The following PRKAG2 variants were observed in gnomAD, a reference collection of about 807,000 sequenced individuals.
PRKAG2 encodes 5'-AMP-activated protein kinase subunit gamma-2.
In PRKAG2, 26 loss-of-function variants were observed where a neutral mutation model predicts 69.6. The ratio of observed to expected loss-of-function variants is 0.37; its 90% CI spans 0.27 to 0.52. The LOEUF (loss-of-function observed/expected upper bound fraction) is 0.52, where lower values mean the gene tolerates loss of function less well. PRKAG2 is among the 20% of genes least tolerant of loss of function. The probability of loss-of-function intolerance (pLI) is 0.90; values close to 1 mark genes in which losing one functional copy is unlikely to be tolerated. For missense variants in PRKAG2, 557 were observed against 740.0 expected (o/e 0.75, Z 2.87); for synonymous variants, 293 against 285.0 (o/e 1.03, Z -0.28).
chr7:151,695,740 A>C (rs1836509401), intron 3 of PRKAG2, among the ~76,000 whole-genome samples: 1 of 152,194 alleles, frequency 6.6e-6, no homozygotes, highest in Non-Finnish European at 1.5e-5. Context: ...CGTTGCTTCC[A>C]AGGTGTGCTT....
rs73481936 is a variant in PRKAG2, at chr7:151,659,484, T to G, written c.684+15936A>C. ...TTATAAAAAGGCATGGATCAGTATT[T>G]GTGTTGACCTTGAGGCTTTTCTTCT... On this transcript the variant is annotated intron_variant, in intron 4 of 15. Coordinates refer to ENST00000287878, the MANE Select transcript of PRKAG2 (RefSeq NM_016203.4). Among the ~76,000 whole-genome samples the G allele has an allele frequency of 2.8e-3, 432 of 152,362 alleles. 1 individual carries two copies. Among genetic ancestry groups the G allele is most frequent in the African/African-American group, 0.01 (416 of 41,578 alleles).
chr7:151,774,007 G>C (rs1045679170), intron 3 of PRKAG2, among the ~76,000 whole-genome samples: 2 of 152,184 alleles, frequency 1.3e-5, no homozygotes, highest in East Asian at 3.9e-4. Context: ...AAAAGAGGTG[G>C]CACGCCAGAT....
At chr7:151,645,819 C>T (rs924760829) in intron 4 of PRKAG2, among the ~76,000 whole-genome samples, 2 of 152,118 alleles carry the variant, frequency 1.3e-5, no homozygotes, top group African/African-American at 4.8e-5. Context: ...TTAAATGTTT[C>T]CTTCTAGAAG....
chr7:151,605,914 G>A (rs1817426294), intron 5 of PRKAG2, among the ~76,000 whole-genome samples: 1 of 145,774 alleles, frequency 6.9e-6, no homozygotes, highest in Non-Finnish European at 1.5e-5. Flanking sequence ...CTCCAGCCTG[G>A]CGACAGAGCG....
At position 151,572,076 on chromosome 7, in the gene PRKAG2, G is replaced by A. The variant is rs140172255; in HGVS notation, c.1051+588C>T. The stretch of plus-strand genomic sequence containing the variant: ...CCACCACCTTACAATCATGAAATGC[G>A]AATTTAAGAAATGGTTCTATGGCAG... On this transcript the variant is annotated intron_variant, in intron 9 of 15. Coordinates refer to ENST00000287878, the MANE Select transcript of PRKAG2 (RefSeq NM_016203.4). Among the ~76,000 whole-genome samples the A allele has an allele frequency of 4.5e-3, 692 of 152,264 alleles. 2 individuals carry two copies. The highest frequency in any genetic ancestry group is 0.016 in the African/African-American group (662 of 41,558).
At chr7:151,786,144 C>G (rs2076994596) in intron 2 of PRKAG2, among the ~76,000 whole-genome samples, 1 of 152,214 alleles carries the variant, frequency 6.6e-6, no homozygotes, top group Non-Finnish European at 1.5e-5. Context: ...TGACCGATAC[C>G]TTCCACCGGG....
At chr7:151,757,176 G>T (rs2075146589) in intron 3 of PRKAG2, among the ~76,000 whole-genome samples, 1 of 152,164 alleles carries the variant, frequency 6.6e-6, no homozygotes. Context: ...AGACTCAGAG[G>T]CTCTAAATTA....
intron 3 of PRKAG2, chr7:151,736,432 C>T (rs1799826850): frequency 7.3e-6 from 7 of 956,306 alleles, no homozygotes; most frequent in African/African-American, 1.9e-5. Flanking sequence ...GGAGGGAAGA[C>T]CAGATAGGCA....
intron 4 of PRKAG2, among the ~76,000 whole-genome samples, chr7:151,663,454 C>T (rs556795607): frequency 6.6e-6 from 1 of 152,322 alleles, no homozygotes; most frequent in Non-Finnish European, 1.5e-5. Flanking sequence ...CCTCGACCTC[C>T]CAGGCTCAGA....
chr7:151,842,463 G>T (rs548728961), intron 1 of PRKAG2, among the ~76,000 whole-genome samples: 1 of 149,106 alleles, frequency 6.7e-6, no homozygotes, highest in African/African-American at 2.5e-5. Context: ...TGGTAGTGAT[G>T]GTAGGTAGTG....
At chr7:151,773,042 AGAGAGAGAGAGGGAGGGAGG>A (rs1418973459) in intron 3 of PRKAG2, among the ~76,000 whole-genome samples, 23 of 32,948 alleles carry the variant, frequency 7.0e-4, no homozygotes, top group African/African-American at 2.6e-3. Context: ...AGAGAGAGAG[AGAGAGAGAGAGGGAGGGAGG>A]GAGGGAGGGA....
At chr7:151,574,103 A>G (rs945527493) in intron 8 of PRKAG2, among the ~76,000 whole-genome samples, 1 of 152,190 alleles carries the variant, frequency 6.6e-6, no homozygotes, top group African/African-American at 2.4e-5. Context: ...GAAGAAACTC[A>G]TTTTTGTATT....
At chr7:151,644,937 T>C (rs1827313054) in intron 4 of PRKAG2, among the ~76,000 whole-genome samples, 1 of 152,196 alleles carries the variant, frequency 6.6e-6, no homozygotes, top group Non-Finnish European at 1.5e-5. Context: ...GAGGACAATA[T>C]CTTTTTGTGT....
intron 1 of PRKAG2, among the ~76,000 whole-genome samples, chr7:151,795,172 G>A (rs1013764353): frequency 6.6e-6 from 1 of 152,220 alleles, no homozygotes; most frequent in Admixed American, 6.5e-5. Context: ...GAGGGAGAGT[G>A]GGGGGCAGGG....
At chr7:151,785,181 G>A (rs1412052155) in intron 2 of PRKAG2, among the ~76,000 whole-genome samples, 1 of 152,272 alleles carries the variant, frequency 6.6e-6, no homozygotes, top group African/African-American at 2.4e-5. Context: ...CTCTGCCTAT[G>A]GGGCCATTTG....
Position 151,786,416 on chromosome 7 carries a change from G to A in PRKAG2, c.186+54C>T, listed in dbSNP as rs369534223. The A allele has an allele frequency of 3.8e-5, 57 of 1,513,910 alleles. No homozygotes were observed. In the African/African-American group the frequency reaches 7.4e-4, roughly 20 times the overall value. The allele number at this position is 1,513,910 out of a possible 1,614,324, so 93.8% of individuals were successfully genotyped here. ...GTGGAAGTGGGCTCAGGCTCTGCCT[G>A]CCTCCGTGGCACCTCAAGTGAGCTG... On this transcript the variant is annotated intron_variant, in intron 2 of 15. Coordinates refer to ENST00000287878, the MANE Select transcript of PRKAG2 (RefSeq NM_016203.4).
chr7:151,808,599 G>GAC, intron 1 of PRKAG2, among the ~76,000 whole-genome samples: 1 of 151,486 alleles, frequency 6.6e-6, no homozygotes, highest in South Asian at 2.1e-4. Context: ...TGTTGGGGGG[G>GAC]CTTGAGGCTA....
intron 3 of PRKAG2, among the ~76,000 whole-genome samples, chr7:151,729,283 C>G (rs57181153): frequency 2.0e-5 from 3 of 152,088 alleles, no homozygotes; most frequent in Non-Finnish European, 4.4e-5. Flanking sequence ...GTGTCCGAAA[C>G]CCCCCAAAGA....
At chr7:151,809,490 C>T (rs955884752) in intron 1 of PRKAG2, 2 of 295,558 alleles carry the variant, frequency 6.8e-6, no homozygotes, top group Non-Finnish European at 1.3e-5. Context: ...CATTGGTCTT[C>T]CGGGGCTTAA....
Sources: allele counts gnomAD v4.1 joint callset (sites outside exome capture counted in the v4.1 genomes callset), GRCh38; gene constraint gnomAD v4.1.1; transcripts MANE v1.5; gene names NCBI Gene and HGNC (gene_info 2026-07-23, HGNC 2026-07-21).